MYO1E: variants seen among roughly 807,000 people sequenced by gnomAD.
MYO1E encodes unconventional myosin-Ie.
MYO1E carries 68 observed loss-of-function variants against 151.1 expected under a neutral mutation model. That is an observed-to-expected ratio of 0.45 (90% CI 0.37 to 0.55). MYO1E has a LOEUF of 0.55. Among genes scored for constraint, MYO1E ranks in the 20% least tolerant of loss-of-function variants. MYO1E has a pLI of 0.00. For missense variants in MYO1E, 1,363 were observed against 1,389.3 expected (o/e 0.98, Z 0.30); for synonymous variants, 601 against 501.7 (o/e 1.20, Z -2.64).
intron 1 of MYO1E, among the ~76,000 whole-genome samples, chr15:59,322,688 G>C (rs2140417746): frequency 6.6e-6 from 1 of 152,272 alleles, no homozygotes; most frequent in East Asian, 1.9e-4. Context: ...ATCTAATAGA[G>C]TCCTGACACA....
intron 1 of MYO1E, among the ~76,000 whole-genome samples, chr15:59,334,442 T>C (rs1308253484): frequency 6.6e-6 from 1 of 150,906 alleles, no homozygotes; most frequent in African/African-American, 2.4e-5. Flanking sequence ...CCCATAAATA[T>C]ATACACCTAC....
intron 26 of MYO1E, among the ~76,000 whole-genome samples, chr15:59,147,815 G>A (rs1364882623): frequency 6.6e-6 from 1 of 151,960 alleles, no homozygotes; most frequent in Non-Finnish European, 1.5e-5. Flanking sequence ...TGTTGGGGGC[G>A]GGCGTCTCCC....
chr15:59,191,330 G>A (rs913108214), intron 17 of MYO1E, among the ~76,000 whole-genome samples: 1 of 126,378 alleles, frequency 7.9e-6, no homozygotes, highest in Non-Finnish European at 1.6e-5. Flanking sequence ...GACAGACAGA[G>A]ACAGAGAGAG....
rs200574046 is a variant in MYO1E at position 59,207,041 on chromosome 15, C to T, written c.1531-1556G>A. The T allele has an allele frequency of 7.4e-6, 12 of 1,614,198 alleles. No individual in the cohort carries two copies. The East Asian group carries it at 2.0e-4, about 27-fold the overall frequency. ...ATGGCCCTGTGTCCGCGTCAAGCAA[C>T]GCGCATCCCGCTCAACGGCACCTGG... On this transcript the variant is annotated intron_variant, in intron 14 of 27. Coordinates refer to ENST00000288235, the MANE Select transcript of MYO1E (RefSeq NM_004998.4).
chr15:59,243,834 T>G (rs2080114300), intron 4 of MYO1E, among the ~76,000 whole-genome samples: 1 of 151,858 alleles, frequency 6.6e-6, no homozygotes, highest in Non-Finnish European at 1.5e-5. Flanking sequence ...TCTGCGAGAA[T>G]GAGAAACCAC....
At chr15:59,298,868 AG>A (rs2080466513) in intron 1 of MYO1E, among the ~76,000 whole-genome samples, 1 of 152,206 alleles carries the variant, frequency 6.6e-6, no homozygotes, top group Non-Finnish European at 1.5e-5. Flanking sequence ...TGTTTCCACA[AG>A]GGAATCTGCT....
chr15:59,304,650 G>A (rs1274730368), intron 1 of MYO1E, among the ~76,000 whole-genome samples: 1 of 152,122 alleles, frequency 6.6e-6, no homozygotes, highest in Admixed American at 6.5e-5. Context: ...CTGAAACTAT[G>A]CTCTGTTGCA....
At chr15:59,297,131 C>T (rs866982324) in intron 1 of MYO1E, among the ~76,000 whole-genome samples, 21 of 150,906 alleles carry the variant, frequency 1.4e-4, no homozygotes, top group African/African-American at 3.2e-4. Context: ...GGATTACGGG[C>T]GCGAGCCACC....
chr15:59,225,667 G>C (rs2079985938), intron 7 of MYO1E, among the ~76,000 whole-genome samples: 1 of 124,162 alleles, frequency 8.1e-6, no homozygotes, highest in Admixed American at 8.9e-5. Context: ...TTTTTTTTGA[G>C]ACGGAGTCTC....
intron 17 of MYO1E, among the ~76,000 whole-genome samples, chr15:59,192,385 A>G (rs572122167): frequency 6.6e-6 from 1 of 151,970 alleles, no homozygotes; most frequent in South Asian, 2.1e-4. Context: ...TAATTTCTCC[A>G]TTTTCTGATA....
intron 1 of MYO1E, among the ~76,000 whole-genome samples, chr15:59,321,491 C>T (rs1458870952): frequency 1.3e-5 from 2 of 152,204 alleles, no homozygotes; most frequent in African/African-American, 4.8e-5. Flanking sequence ...CCATGGAGTA[C>T]TATGCAGCCA....
chr15:59,235,249 T>G (rs757007052), intron 5 of MYO1E, among the ~76,000 whole-genome samples: 1 of 152,202 alleles, frequency 6.6e-6, no homozygotes, highest in African/African-American at 2.4e-5. Context: ...GCTCAAACCA[T>G]GCAAGTTTCT....
intron 1 of MYO1E, among the ~76,000 whole-genome samples, chr15:59,297,434 CTAATT>C (rs1318780223): frequency 3.5e-5 from 2 of 56,478 alleles, no homozygotes; most frequent in Non-Finnish European, 1.3e-4. Context: ...CCACACCCAG[CTAATT>C]TTTTTTTTTT....
At chr15:59,286,428 ATC>A (rs1299990875) in intron 1 of MYO1E, among the ~76,000 whole-genome samples, 4 of 152,198 alleles carry the variant, frequency 2.6e-5, no homozygotes, top group Non-Finnish European at 4.4e-5. Context: ...TTATTTTCTC[ATC>A]TCTGTCTTTT....
chr15:59,252,163 TTC>T (rs1440698488), intron 4 of MYO1E, among the ~76,000 whole-genome samples: 1 of 152,212 alleles, frequency 6.6e-6, no homozygotes, highest in African/African-American at 2.4e-5. Flanking sequence ...AACTTCATTT[TTC>T]TCTTAAAAAG....
chr15:59,351,716 T>G (rs1277750022), intron 1 of MYO1E, among the ~76,000 whole-genome samples: 2 of 147,326 alleles, frequency 1.4e-5, no homozygotes, highest in Non-Finnish European at 3.0e-5. Flanking sequence ...GAAGGGGGAG[T>G]CCTGTGAAGA....
At position 59,261,462 on chromosome 15, in the gene MYO1E, C is replaced by T; in HGVS notation, c.195G>A (p.Met65Ile). 1.2e-6 allele frequency: 2 copies of T among 1,611,712 alleles called. No individual in the cohort carries two copies. The highest frequency in any genetic ancestry group is 8.5e-7 in the Non-Finnish European group (1 of 1,177,970). Residue 65 changes from methionine (M) to isoleucine (I), a missense_variant, in exon 3 of 28, where the codon ATG becomes ATA. Met to Ile is a conservative substitution (Grantham distance 10, BLOSUM62 1). Transcript: ENST00000288235. ...VLISVNPFKQ[M>I]PYFGEKEIEM... is the part of the protein sequence containing the mutation. ...CAATTTCCTTTTCCCCAAAATATGG[C>T]ATCTGCTTGAAAGGGTTGACTGAGA...
intron 6 of MYO1E, among the ~76,000 whole-genome samples, chr15:59,228,992 C>G (rs2080008581): frequency 6.6e-6 from 1 of 152,204 alleles, no homozygotes; most frequent in African/African-American, 2.4e-5. Context: ...GCACAGAGAA[C>G]CACCAGCCAT....
At position 59,357,119 on chromosome 15, in the gene MYO1E, T is replaced by A. The variant is rs150600485; in HGVS notation, c.3+15379A>T. On this transcript the variant is annotated intron_variant, in intron 1 of 27. Transcript: ENST00000288235. Reference sequence around the variant, plus strand: ...TGAGGTTTCGCCCTGTTGACCAGGCTGGTCTTGAACTCCTGACCTCAGGTG... The same window carrying A: ...TGAGGTTTCGCCCTGTTGACCAGGCAGGTCTTGAACTCCTGACCTCAGGTG... Among the ~76,000 whole-genome samples, 805 of 152,244 alleles carry A rather than the reference T, an allele frequency of 5.3e-3. 10 individuals are homozygous for A. The highest frequency in any genetic ancestry group is 0.019 in the African/African-American group (772 of 41,534).
Sources: allele counts gnomAD v4.1 joint callset (sites outside exome capture counted in the v4.1 genomes callset), GRCh38; gene constraint gnomAD v4.1.1; transcripts MANE v1.5; gene names NCBI Gene and HGNC (gene_info 2026-07-23, HGNC 2026-07-21).